TRIM9: variants seen among roughly 807,000 people sequenced by gnomAD.
The protein encoded by TRIM9 is tripartite motif containing 9.
TRIM9 carries 26 observed loss-of-function variants against 78.3 expected under a neutral mutation model. The ratio of observed to expected loss-of-function variants is 0.33; its 90% confidence interval spans 0.24 to 0.46. The LOEUF (loss-of-function observed/expected upper bound fraction) is 0.46, where lower values mean the gene tolerates loss of function less well. Among genes scored for constraint, TRIM9 ranks in the 20% least tolerant of loss-of-function variants. The probability of loss-of-function intolerance (pLI) is 1.00; values close to 1 mark genes in which losing one functional copy is unlikely to be tolerated. For missense variants in TRIM9, 787 were observed against 1,036.4 expected, an observed-to-expected ratio of 0.76 and a Z score of 3.30; for synonymous variants, 398 against 416.5, an observed-to-expected ratio of 0.96 and a Z score of 0.54.
chr14:50,997,632 C>T, intron 7 of TRIM9: 6 of 1,029,162 alleles, frequency 5.8e-6, no homozygotes, highest in Non-Finnish European at 7.0e-6. Flanking sequence ...GTCCCACCCT[C>T]AGAACAAGCA....
In TRIM9 at chr14:51,026,228, G is replaced by C. The variant is rs550350640; in HGVS notation, c.823-868C>G. Among the ~76,000 whole-genome samples the C allele has an allele frequency of 1.6e-4, 25 of 152,262 alleles. 1 individual carries two copies. The highest frequency in any genetic ancestry group is 5.3e-4 in the African/African-American group (22 of 41,556). ...CCACTGTGGTTCCTGACTTTAGGATGGATGTGATGTCTTCCGGCTCACATG... is the reference window on the plus strand; with the variant it reads ...CCACTGTGGTTCCTGACTTTAGGATCGATGTGATGTCTTCCGGCTCACATG... On this transcript the variant is annotated intron_variant, in intron 1 of 12. Transcript: ENST00000684578.
intron 1 of TRIM9, among the ~76,000 whole-genome samples, chr14:51,045,425 G>A (rs1338164418): frequency 6.6e-6 from 1 of 152,202 alleles, no homozygotes; most frequent in Non-Finnish European, 1.5e-5. Context: ...ACCAGGATGG[G>A]CTGCCTGAAG....
At chr14:51,016,905 A>G (rs1391807634) in intron 3 of TRIM9, among the ~76,000 whole-genome samples, 2 of 152,154 alleles carry the variant, frequency 1.3e-5, no homozygotes, top group African/African-American at 4.8e-5. Flanking sequence ...TGGAGGGCTG[A>G]CTGTACTTTT....
intron 1 of TRIM9, among the ~76,000 whole-genome samples, chr14:51,077,386 G>GTT (rs146912763): frequency 0.15 from 14,029 of 96,732 alleles, 2,149 homozygotes; most frequent in South Asian, 0.35. Context: ...CTCCAATTCT[G>GTT]TTTTTTTTTT....
At position 51,073,028 on chromosome 14, in the gene TRIM9, A is replaced by G. The variant is rs562286328; in HGVS notation, c.822+21090T>C. Among the ~76,000 whole-genome samples, 76 of 152,336 alleles carry G rather than the reference A, an allele frequency of 5.0e-4. No individual in the cohort carries two copies. The Middle Eastern group carries it at 0.01, about 20-fold the overall frequency. On this transcript the variant is annotated intron_variant, in intron 1 of 12. Transcript: ENST00000684578. ...GGCAACTCAATGGAAAAGTGGGTAA[A>G]TGACTTAGCAGACACCACATCAAAG...
At chr14:50,981,704 C>T in intron 11 of TRIM9, 96 bp downstream of exon 11, 1 of 1,492,902 alleles carries the variant, frequency 6.7e-7, no homozygotes, top group Non-Finnish European at 9.1e-7. Context: ...GTTTGATTTC[C>T]TGAATGTGGT....
rs564579473 is a variant in TRIM9 at position 51,093,380 on chromosome 14, A to T, written c.822+738T>A. On this transcript the variant is annotated intron_variant, in intron 1 of 12. Coordinates refer to ENST00000684578, the MANE Select transcript of TRIM9 (RefSeq NM_001387360.1). ...AGGAGAAGGTTTCCCTAGGAGATGC[A>T]CCTGTCTGGCTTCCAGGCCGCGACT... 1.1e-4 allele frequency among the ~76,000 whole-genome samples: 16 copies of T among 152,284 alleles called. No individual in the cohort carries two copies. In the South Asian group the frequency reaches 2.9e-3, roughly 28 times the overall value.
chr14:51,040,477 T>C (rs530604620), intron 1 of TRIM9, among the ~76,000 whole-genome samples: 7 of 152,316 alleles, frequency 4.6e-5, no homozygotes, highest in African/African-American at 1.2e-4. Context: ...TAATTTTATT[T>C]ATGCCTACTT....
At chr14:51,002,763 A>AAGCC (rs1359779726) in intron 5 of TRIM9, among the ~76,000 whole-genome samples, 1 of 152,370 alleles carries the variant, frequency 6.6e-6, no homozygotes, top group Admixed American at 6.5e-5. Flanking sequence ...TGAGAAGGTG[A>AAGCC]AGCCGGTCAA....
chr14:51,071,222 C>G (rs1453361780), intron 1 of TRIM9, among the ~76,000 whole-genome samples: 1 of 151,298 alleles, frequency 6.6e-6, no homozygotes, highest in Non-Finnish European at 1.5e-5. Context: ...ACTAAAAATA[C>G]AAAATTAGCC....
Position 51,009,015 on chromosome 14 carries a change from C to A in TRIM9, c.1306+65G>T. On this transcript the variant is annotated intron_variant, in intron 5 of 12. Coordinates refer to ENST00000684578, the MANE Select transcript of TRIM9 (RefSeq NM_001387360.1). ...TTACATTAGCCAAAGGGGTACTGAT[C>A]CTGCTTCAAGCACCAGCATCCACTC... 8.4e-6 allele frequency: 13 copies of A among 1,547,258 alleles called. No individual in the cohort carries two copies. In the South Asian group the frequency reaches 1.5e-4, roughly 18 times the overall value.
At chr14:51,033,439 TCACG>T (rs2058896796) in intron 1 of TRIM9, among the ~76,000 whole-genome samples, 1 of 152,232 alleles carries the variant, frequency 6.6e-6, no homozygotes, top group South Asian at 2.1e-4. Flanking sequence ...CATACATAAA[TCACG>T]AAAACACTTT....
chr14:50,998,124 T>C lies in TRIM9; in HGVS notation c.1529A>G (p.Asn510Ser). The change falls in exon 7 of 13, where the codon AAC (asparagine) becomes AGC (serine). Residue 510 changes from asparagine (N) to serine (S), a missense_variant. By Grantham distance (46) the Asn-to-Ser change is conservative. Transcript: ENST00000684578. ...VDGLHFNSTY[N>S]ARVKAFNKTG... is the part of the protein sequence containing the mutation. ...TTTGTTGAAGGCCTTGACCCGAGCGTTGTATGTGCTGTTGAAGTGAAGACC... is the reference window on the plus strand; with the variant it reads ...TTTGTTGAAGGCCTTGACCCGAGCGCTGTATGTGCTGTTGAAGTGAAGACC... 6.2e-7 allele frequency: 1 copy of C among 1,614,202 alleles called. No individual in the cohort carries two copies. Among genetic ancestry groups the C allele is most frequent in the Non-Finnish European group, 8.5e-7 (1 of 1,180,026 alleles).
At chr14:51,092,466 A>G (rs1056711941) in intron 1 of TRIM9, among the ~76,000 whole-genome samples, 4 of 152,200 alleles carry the variant, frequency 2.6e-5, no homozygotes, top group Non-Finnish European at 5.9e-5. Context: ...GCCACTTGCA[A>G]AAGCTACCCT....
intron 7 of TRIM9, chr14:50,996,919 T>C (rs1026696726): frequency 3.0e-6 from 3 of 985,416 alleles, no homozygotes; most frequent in Non-Finnish European, 2.4e-6. Flanking sequence ...ATCCTTGCTG[T>C]AGGATTCAAA....
intron 5 of TRIM9, among the ~76,000 whole-genome samples, chr14:51,004,247 T>C (rs2055465805): frequency 6.6e-6 from 1 of 152,216 alleles, no homozygotes; most frequent in South Asian, 2.1e-4. Flanking sequence ...AAAATCAAGC[T>C]TTAGGCTAAA....
chr14:51,087,938 T>C (rs2063919493), intron 1 of TRIM9, among the ~76,000 whole-genome samples: 1 of 152,202 alleles, frequency 6.6e-6, no homozygotes, highest in East Asian at 1.9e-4. Context: ...TAAAATTATA[T>C]TACATTAATA....
Position 51,063,850 on chromosome 14 carries a change from G to C in TRIM9, c.822+30268C>G, listed in dbSNP as rs548896216. 1.3e-4 allele frequency among the ~76,000 whole-genome samples: 20 copies of C among 152,204 alleles called. 1 individual carries two copies. Among genetic ancestry groups the C allele is most frequent in the African/African-American group, 4.6e-4 (19 of 41,562 alleles). ...GGAAATGTTAACAGGAATATTTTTA[G>C]TGTCAAGCGGATTGAAACAAGATTG... On this transcript the variant is annotated intron_variant, in intron 1 of 12. Transcript: ENST00000684578.
chr14:51,059,433 A>G (rs530914248), intron 1 of TRIM9, among the ~76,000 whole-genome samples: 10 of 152,274 alleles, frequency 6.6e-5, no homozygotes, highest in African/African-American at 2.2e-4. Context: ...TTGTTCACCA[A>G]TTTTCAAATT....
Sources: allele counts gnomAD v4.1 joint callset (sites outside exome capture counted in the v4.1 genomes callset), GRCh38; gene constraint gnomAD v4.1.1; transcripts MANE v1.5; gene names NCBI Gene and HGNC (gene_info 2026-07-23, HGNC 2026-07-21).